The following AUH variants were observed in gnomAD, a reference collection of about 807,000 sequenced individuals.
The protein encoded by AUH is methylglutaconyl-CoA hydratase, mitochondrial.
AUH carries 29 observed loss-of-function variants against 42.3 expected under a neutral mutation model. That is an observed-to-expected ratio of 0.69 (90% CI 0.51 to 0.93). The LOEUF (loss-of-function observed/expected upper bound fraction) is 0.93. AUH is among the 40% of genes least tolerant of loss of function. The probability of loss-of-function intolerance (pLI) is 0.00; values close to 1 mark genes in which losing one functional copy is unlikely to be tolerated. For missense variants in AUH, 452 were observed against 438.1 expected (o/e 1.03, Z -0.28); for synonymous variants, 174 against 166.4 (o/e 1.05, Z -0.35).
intron 6 of AUH, among the ~76,000 whole-genome samples, chr9:91,260,554 G>A (rs10991851): frequency 0.031 from 4,775 of 152,196 alleles, 156 homozygotes; most frequent in East Asian, 0.18. Flanking sequence ...CAGCTAACAG[G>A]AAATAATATG....
chr9:91,218,339 A>G (rs1477930874), intron 7 of AUH, among the ~76,000 whole-genome samples: 1 of 152,234 alleles, frequency 6.6e-6, no homozygotes, highest in East Asian at 1.9e-4. Context: ...TGATTTGTAT[A>G]TATCATAGAC....
chr9:91,310,054 T>A (rs944054718), intron 4 of AUH, among the ~76,000 whole-genome samples: 1 of 152,162 alleles, frequency 6.6e-6, no homozygotes, highest in East Asian at 1.9e-4. Flanking sequence ...AACTCCGAAT[T>A]CATCTGCACT....
intron 4 of AUH, among the ~76,000 whole-genome samples, chr9:91,317,563 C>A (rs1829253102): frequency 6.6e-6 from 1 of 152,068 alleles, no homozygotes; most frequent in Non-Finnish European, 1.5e-5. Flanking sequence ...TTTATTGTTT[C>A]TTTTAGCTTT....
At chr9:91,241,730 C>T (rs1828531698) in intron 6 of AUH, among the ~76,000 whole-genome samples, 1 of 151,970 alleles carries the variant, frequency 6.6e-6, no homozygotes, top group Non-Finnish European at 1.5e-5. Context: ...AACTTAATAC[C>T]TTGATATCTA....
intron 4 of AUH, among the ~76,000 whole-genome samples, chr9:91,314,277 G>A (rs1271784542): frequency 6.6e-6 from 1 of 152,026 alleles, no homozygotes; most frequent in African/African-American, 2.4e-5. Context: ...GGCCAAGGCG[G>A]GAGGATCACT....
intron 4 of AUH, among the ~76,000 whole-genome samples, chr9:91,302,582 T>TC (rs1014086194): frequency 3.0e-4 from 44 of 149,024 alleles, no homozygotes; most frequent in African/African-American, 1.0e-3. Context: ...AGAGTGAAAC[T>TC]CCATCTCAAA....
At chr9:91,294,313 C>T (rs1006117990) in intron 6 of AUH, among the ~76,000 whole-genome samples, 3 of 152,128 alleles carry the variant, frequency 2.0e-5, no homozygotes, top group African/African-American at 4.8e-5. Flanking sequence ...ACTTTGGGAG[C>T]TTGAGGCAGG....
At chr9:91,355,562 AAAG>A (rs1832345326) in intron 3 of AUH, among the ~76,000 whole-genome samples, 1 of 152,146 alleles carries the variant, frequency 6.6e-6, no homozygotes, top group Non-Finnish European at 1.5e-5. Context: ...AAAAAAAAAA[AAAG>A]AATGAAACTA....
chr9:91,312,815 A>G (rs1006190288), intron 4 of AUH, among the ~76,000 whole-genome samples: 3 of 152,200 alleles, frequency 2.0e-5, no homozygotes, highest in Non-Finnish European at 4.4e-5. Flanking sequence ...CTGCCAAGGC[A>G]TTTAATTACT....
chr9:91,220,815 A>G lies in AUH; in HGVS notation c.833T>C (p.Phe278Ser), dbSNP rs1398261487. The change falls in exon 7 of 10, where the codon TTT (phenylalanine) becomes TCT (serine). Residue 278 changes from phenylalanine to serine, a missense_variant. Phe to Ser is a radical substitution (Grantham distance 155). Coordinates refer to ENST00000375731, the MANE Select transcript of AUH (RefSeq NM_001698.3). Reference sequence around the variant, plus strand: ...TTTAATGAGAAATACCTGAGGTAAAAACTCTCTCGCCAGGTCCAAGGCCTT... The same window carrying G: ...TTTAATGAGAAATACCTGAGGTAAAGACTCTCTCGCCAGGTCCAAGGCCTT... ...YRKALDLAREFLPQGPVAMRV... is the reference protein window; with the variant it reads ...YRKALDLARESLPQGPVAMRV... The G allele has an allele frequency of 6.2e-7, 1 of 1,614,176 alleles. No individual in the cohort carries two copies. Among genetic ancestry groups the G allele is most frequent in the Admixed American group, 1.7e-5 (1 of 60,030 alleles).
intron 6 of AUH, among the ~76,000 whole-genome samples, chr9:91,239,262 T>C (rs927769174): frequency 1.3e-5 from 2 of 152,184 alleles, no homozygotes; most frequent in African/African-American, 2.4e-5. Flanking sequence ...GTTAAAAGTA[T>C]GTGGATACCA....
At chr9:91,298,937 G>T (rs942994008) in intron 4 of AUH, among the ~76,000 whole-genome samples, 1 of 152,140 alleles carries the variant, frequency 6.6e-6, no homozygotes, top group Non-Finnish European at 1.5e-5. Context: ...AGGTAATATC[G>T]GCCGGGCGCT....
intron 9 of AUH, 88 bp from the exon 10 acceptor site, chr9:91,214,513 C>T (rs1346378774): frequency 3.1e-5 from 34 of 1,107,842 alleles, no homozygotes; most frequent in Non-Finnish European, 4.4e-5. Flanking sequence ...CTACTTAGAA[C>T]CACATTCTAA....
intron 6 of AUH, among the ~76,000 whole-genome samples, chr9:91,260,778 AC>A (rs1829667400): frequency 6.6e-6 from 1 of 152,106 alleles, no homozygotes; most frequent in Non-Finnish European, 1.5e-5. Context: ...TATACAATAG[AC>A]CCAGGTCACT....
intron 3 of AUH, among the ~76,000 whole-genome samples, chr9:91,331,516 C>T (rs1172447806): frequency 1.3e-5 from 2 of 152,070 alleles, no homozygotes; most frequent in African/African-American, 4.8e-5. Flanking sequence ...ATGTAACTTG[C>T]CAGTAATAAC....
intron 3 of AUH, among the ~76,000 whole-genome samples, chr9:91,352,627 C>A (rs1018080267): frequency 6.6e-6 from 1 of 152,040 alleles, no homozygotes; most frequent in Non-Finnish European, 1.5e-5. Context: ...ACCTCCAATG[C>A]AATGTAGGAA....
At chr9:91,353,055 AG>A (rs1832111641) in intron 3 of AUH, among the ~76,000 whole-genome samples, 1 of 152,180 alleles carries the variant, frequency 6.6e-6, no homozygotes, top group Non-Finnish European at 1.5e-5. Flanking sequence ...AGAGGCTAAA[AG>A]GATAATCAAT....
chr9:91,225,952 G>T (rs1827440178), intron 6 of AUH, among the ~76,000 whole-genome samples: 1 of 149,296 alleles, frequency 6.7e-6, no homozygotes, highest in African/African-American at 2.5e-5. Context: ...GTCTATCATT[G>T]TTGGACATTT....
intron 4 of AUH, among the ~76,000 whole-genome samples, chr9:91,305,734 G>GT (rs771119877): frequency 4.7e-4 from 71 of 152,308 alleles, no homozygotes; most frequent in Admixed American, 2.4e-3. Flanking sequence ...GCCTTATGCT[G>GT]TAAGAACTCA....
Sources: gnomAD v4.1 joint callset for allele counts (sites outside exome capture counted in the v4.1 genomes callset) on GRCh38, gnomAD v4.1.1 for gene constraint, MANE v1.5 for transcripts, NCBI Gene and HGNC (gene_info 2026-07-23, HGNC 2026-07-21) for gene names.